Variants in TCTN1 observed in about 807,000 individuals in gnomAD.
TCTN1 encodes tectonic-1.
TCTN1 carries 58 observed loss-of-function variants against 65.8 expected under a neutral mutation model. The observed-to-expected ratio is 0.88, with a 90% CI of 0.71 to 1.10. The LOEUF (loss-of-function observed/expected upper bound fraction) is 1.10. TCTN1 is among the 50% of genes least tolerant of loss of function. The pLI is 0.00. For missense variants in TCTN1, 645 were observed against 719.4 expected, an observed-to-expected ratio of 0.90 and a Z score of 1.18; for synonymous variants, 273 against 289.1, an observed-to-expected ratio of 0.94 and a Z score of 0.57.
At position 110,647,814 on chromosome 12, in the gene TCTN1, A is replaced by C. The variant is rs1593399835; in HGVS notation, c.1701A>C (p.Ala567=). ...CGGTTACTTTTGTGGATGTGTCTGC[A>C]CCTGCAGAGGCAGGCTTCAGAGCTC... ...STAVTFVDVS[A]PAEAGFRAPP... Residue 567 remains alanine (A), a synonymous_variant, in exon 14 of 15, where the codon GCA becomes GCC. Transcript: ENST00000397659. 1 of 1,614,142 alleles carries C rather than the reference A, an allele frequency of 6.2e-7. No homozygotes were observed. The highest frequency in any genetic ancestry group is 8.5e-7 in the Non-Finnish European group (1 of 1,180,026).
chr12:110,640,924 A>G lies in TCTN1; in HGVS notation c.979-100A>G. ...CAGAGCAAGGCTTCAACACATGGAG[A>G]AACAGGGAAAGATTTGCTATCTATG... On this transcript the variant is annotated intron_variant, in intron 8 of 14. Coordinates refer to ENST00000397659, the MANE Select transcript of TCTN1 (RefSeq NM_001082538.3). The surrounding 1 kb of genome is among the most constrained non-coding windows in gnomAD (Gnocchi z 4.9). 1.9e-6 allele frequency: 3 copies of G among 1,542,790 alleles called. No individual in the cohort carries two copies. Among genetic ancestry groups the G allele is most frequent in the Non-Finnish European group, 2.7e-6 (3 of 1,121,290 alleles).
At chr12:110,619,986 G>A in intron 2 of TCTN1, 30 bp downstream of exon 2, 1 of 1,613,998 alleles carries the variant, frequency 6.2e-7, no homozygotes, top group Non-Finnish European at 8.5e-7. Context: ...ATGCAATTTT[G>A]AAAAAATTTG....
At chr12:110,629,612 T>C (rs1240551899) in intron 4 of TCTN1, 2 of 152,210 alleles carry the variant, frequency 1.3e-5, no homozygotes, top group East Asian at 3.8e-4. Context: ...GGAGAGGATA[T>C]GGAGAAATAG....
intron 3 of TCTN1, chr12:110,627,973 A>T: frequency 7.1e-7 from 1 of 1,413,484 alleles, no homozygotes; most frequent in Non-Finnish European, 9.6e-7. Context: ...ATAACTGGCC[A>T]GTGACTGTCA....
intron 10 of TCTN1, chr12:110,641,950 A>ACAGGAAG: frequency 1.8e-6 from 1 of 554,704 alleles, no homozygotes; most frequent in Non-Finnish European, 3.2e-6. Flanking sequence ...AAGAGAGAAA[A>ACAGGAAG]GTTGACATTT....
Position 110,628,936 on chromosome 12 carries a change from T to A in TCTN1, c.624+18T>A. ...AATATGAGGTGAGCCTGAACTTGATTGATTCTTTTCATCCCATCACAAATA... is the reference window on the plus strand; with the variant it reads ...AATATGAGGTGAGCCTGAACTTGATAGATTCTTTTCATCCCATCACAAATA... On this transcript the variant is annotated intron_variant, in intron 4 of 14. Transcript: ENST00000397659. The A allele has an allele frequency of 6.2e-7, 1 of 1,613,050 alleles. No homozygotes were observed. Among genetic ancestry groups the A allele is most frequent in the Non-Finnish European group, 8.5e-7 (1 of 1,179,784 alleles).
intron 3 of TCTN1, chr12:110,628,362 A>G (rs1185829551): frequency 9.1e-6 from 8 of 875,856 alleles, no homozygotes; most frequent in Non-Finnish European, 1.3e-5. Flanking sequence ...TTTTTTTGAG[A>G]TGAAGTCTCA....
chr12:110,620,744 A>C (rs529825783), intron 2 of TCTN1, among the ~76,000 whole-genome samples: 164 of 152,226 alleles, frequency 1.1e-3, no homozygotes, highest in Non-Finnish European at 1.9e-3. Context: ...TGACATTTCC[A>C]GCTGATTATA....
chr12:110,649,043 A>G lies in TCTN1; in HGVS notation c.*2A>G, dbSNP rs753467272. Reference sequence around the variant, plus strand: ...AGTAGCTTCTTTTTCTTTCTTTCAGAATGCTCAGATGCATCAGTTCCTTAA... The same window carrying G: ...AGTAGCTTCTTTTTCTTTCTTTCAGGATGCTCAGATGCATCAGTTCCTTAA... On this transcript the variant is annotated splice_region_variant and 3_prime_UTR_variant, in exon 15 of 15. Coordinates refer to ENST00000397659, the MANE Select transcript of TCTN1 (RefSeq NM_001082538.3). The G allele has an allele frequency of 2.0e-5, 10 of 510,208 alleles. No homozygotes were observed. The highest frequency in any genetic ancestry group is 6.4e-5 in the South Asian group (4 of 62,662). The allele number at this position is 510,208 out of a possible 1,614,324, so 31.6% of individuals were successfully genotyped here. A position where few individuals can be genotyped will look rare whatever the true frequency, so the allele number is the denominator to read the frequency against.
intron 6 of TCTN1, 49 bp from the exon 7 acceptor site, chr12:110,636,432 T>G: frequency 8.0e-7 from 1 of 1,252,504 alleles, no homozygotes; most frequent in Non-Finnish European, 1.2e-6. Context: ...ATGAAAATAC[T>G]TCTTTTTGTT....
rs759588884 is a variant in TCTN1 at position 110,641,586 on chromosome 12, C to T, written c.1149C>T (p.Val383=). ...CTCTCAGTGGAAACCCTGGTTATGTCGTGGGGCTCCCATTAGCTGCTGGAT... is the reference window on the plus strand; with the variant it reads ...CTCTCAGTGGAAACCCTGGTTATGTTGTGGGGCTCCCATTAGCTGCTGGAT... ...PVPLSGNPGY[V]VGLPLAAGFQ... is the part of the protein sequence containing the mutation. Residue 383 remains valine, a synonymous_variant, in exon 10 of 15, where the codon GTC becomes GTT. Transcript: ENST00000397659. 1.1e-5 allele frequency: 18 copies of T among 1,614,098 alleles called. No homozygotes were observed. The highest frequency in any genetic ancestry group is 1.0e-4 in the Admixed American group (6 of 60,006).
At chr12:110,632,586 T>C in intron 5 of TCTN1, 27 bp downstream of exon 5, 1 of 1,609,308 alleles carries the variant, frequency 6.2e-7, no homozygotes, top group Non-Finnish European at 8.5e-7. Flanking sequence ...TCTTCTTTCC[T>C]TAGACATTTG....
Position 110,614,392 on chromosome 12 carries a change from A to C in TCTN1, c.210A>C (p.Pro70=). 1 of 1,598,444 alleles carries C rather than the reference A, an allele frequency of 6.3e-7. No homozygotes were observed. The highest frequency in any genetic ancestry group is 8.5e-7 in the Non-Finnish European group (1 of 1,172,954). Residue 70 remains proline, a synonymous_variant, in exon 1 of 15, where the codon CCA becomes CCC. Transcript: ENST00000397659. ...CCTCCTCCGGCCCCAGGCCTACCCCAGTCACGGACGGTGGGTACCATGTGC... is the reference window on the plus strand; with the variant it reads ...CCTCCTCCGGCCCCAGGCCTACCCCCGTCACGGACGGTGGGTACCATGTGC... ...PGPSSGPRPT[P]VTDVAVLCVC...
At position 110,632,472 on chromosome 12, in the gene TCTN1, T is replaced by G; in HGVS notation, c.625T>G (p.Tyr209Asp). The G allele has an allele frequency of 6.2e-7, 1 of 1,613,878 alleles. No homozygotes were observed. Among genetic ancestry groups the G allele is most frequent in the Non-Finnish European group, 8.5e-7 (1 of 1,179,820 alleles). ...LDIPTAAKYE[Y>D]GVPLQTSDSF... is the part of the protein sequence containing the mutation. ...CGACTGTTGGTTGTTGTGTTTGCAGTATGGGGTTCCTCTGCAGACTTCAGA... is the reference window on the plus strand; with the variant it reads ...CGACTGTTGGTTGTTGTGTTTGCAGGATGGGGTTCCTCTGCAGACTTCAGA... The change falls in exon 5 of 15, where the codon TAT (tyrosine) becomes GAT (aspartate). Residue 209 changes from tyrosine to aspartate, a missense_variant and splice_region_variant. Physicochemically the swap from Tyr to Asp is radical, Grantham distance 160. Coordinates refer to ENST00000397659, the MANE Select transcript of TCTN1 (RefSeq NM_001082538.3).
At chr12:110,635,915 G>A (rs747825743) in intron 6 of TCTN1, 3 of 155,588 alleles carry the variant, frequency 1.9e-5, no homozygotes, top group Non-Finnish European at 4.3e-5. Flanking sequence ...GGGCATCCAG[G>A]TACAGTTCTC....
intron 4 of TCTN1, among the ~76,000 whole-genome samples, chr12:110,630,907 GA>G (rs887516321): frequency 6.6e-6 from 1 of 152,186 alleles, no homozygotes; most frequent in African/African-American, 2.4e-5. Flanking sequence ...TACCTGATGA[GA>G]AAAACTTAGG....
chr12:110,638,376 A>T (rs958396331), intron 7 of TCTN1, among the ~76,000 whole-genome samples: 4 of 152,246 alleles, frequency 2.6e-5, no homozygotes, highest in African/African-American at 9.6e-5. Context: ...TTTTCTTAAA[A>T]AGCAGATTTT....
At position 110,640,915 on chromosome 12, in the gene TCTN1, C is replaced by T. The variant is rs2066908490; in HGVS notation, c.979-109C>T. The T allele has an allele frequency of 4.0e-6, 6 of 1,498,194 alleles. No homozygotes were observed. The highest frequency in any genetic ancestry group is 5.5e-6 in the Non-Finnish European group (6 of 1,082,500). 92.8% of individuals were successfully genotyped at this position (1,498,194 alleles called of 1,614,324 possible). ...ACTGGACAGCAGAGCAAGGCTTCAA[C>T]ACATGGAGAAACAGGGAAAGATTTG... is the stretch of plus-strand genomic sequence containing the variant. On this transcript the variant is annotated intron_variant, in intron 8 of 14. Transcript: ENST00000397659. This position sits in a 1 kb window ranked among gnomAD's most constrained non-coding sequence, Gnocchi z 4.9.
intron 2 of TCTN1, among the ~76,000 whole-genome samples, chr12:110,624,447 C>T (rs1337034949): frequency 6.6e-6 from 1 of 151,868 alleles, no homozygotes; most frequent in Non-Finnish European, 1.5e-5. Context: ...CTCCTGGCCT[C>T]AAGTGATCCT....
Sources: gnomAD v4.1 joint callset for allele counts (sites outside exome capture counted in the v4.1 genomes callset) on GRCh38, gnomAD v4.1.1 for gene constraint, Gnocchi (gnomAD v3.1) non-coding constraint, MANE v1.5 for transcripts, NCBI Gene and HGNC (gene_info 2026-07-23, HGNC 2026-07-21) for gene names.